PTPRN2: variants seen among roughly 807,000 people sequenced by gnomAD.
The protein encoded by PTPRN2 is receptor-type tyrosine-protein phosphatase N2.
PTPRN2 carries 74 observed loss-of-function variants against 118.8 expected under a neutral mutation model. The ratio of observed to expected loss-of-function variants is 0.62; its 90% CI spans 0.52 to 0.76. The LOEUF is 0.76. Ranked by LOEUF, PTPRN2 falls within the 30% of genes least tolerant of loss-of-function variation. PTPRN2 has a pLI of 0.00. For missense variants in PTPRN2, 1,481 were observed against 1,394.4 expected, an observed-to-expected ratio of 1.06 and a Z score of -0.99; for synonymous variants, 641 against 608.0, an observed-to-expected ratio of 1.05 and a Z score of -0.80.
intron 12 of PTPRN2, among the ~76,000 whole-genome samples, chr7:157,790,222 TATG>T (rs1804389801): frequency 7.6e-6 from 1 of 132,438 alleles, no homozygotes; most frequent in Non-Finnish European, 1.6e-5. Flanking sequence ...GACGTGTGTG[TATG>T]GTGGTGTGTG....
At chr7:157,665,526 C>G (rs1796095088) in intron 13 of PTPRN2, among the ~76,000 whole-genome samples, 1 of 152,240 alleles carries the variant, frequency 6.6e-6, no homozygotes, top group African/African-American at 2.4e-5. Context: ...GCCTGCCTGG[C>G]CCTGAAGGCA....
In PTPRN2 at chr7:157,845,568, G is replaced by A. The variant is rs530920387; in HGVS notation, c.1788+53105C>T. Among the ~76,000 whole-genome samples the A allele has an allele frequency of 3.3e-5, 5 of 152,314 alleles. No homozygotes were observed. Among genetic ancestry groups the A allele is most frequent in the South Asian group, 4.1e-4 (2 of 4,822 alleles). ...ATGCAGCCTAACTCACCACGTTCCC[G>A]GCCACACAGGGCCAAGAACAGCCCA... On this transcript the variant is annotated intron_variant, in intron 12 of 22. Coordinates refer to ENST00000389418, the MANE Select transcript of PTPRN2 (RefSeq NM_002847.5). The surrounding 1 kb of genome is among the most constrained non-coding windows in gnomAD (Gnocchi z 4.5).
chr7:158,470,280 CA>C (rs1307056306), intron 2 of PTPRN2, among the ~76,000 whole-genome samples: 1 of 152,224 alleles, frequency 6.6e-6, no homozygotes, highest in East Asian at 1.9e-4. Context: ...AGAGAGACAA[CA>C]ATACATTTTC....
chr7:158,229,587 T>C (rs1311268140), intron 3 of PTPRN2, among the ~76,000 whole-genome samples: 2 of 152,028 alleles, frequency 1.3e-5, no homozygotes, highest in African/African-American at 2.4e-5. Flanking sequence ...AGAAATACAT[T>C]TGCTGAACTG....
At chr7:158,441,132 G>T (rs534182153) in intron 2 of PTPRN2, among the ~76,000 whole-genome samples, 2 of 150,058 alleles carry the variant, frequency 1.3e-5, no homozygotes, top group East Asian at 3.9e-4. Flanking sequence ...AGTGGTGATG[G>T]CAGTGGTAGT....
At chr7:157,742,204 T>C (rs1800672978) in intron 12 of PTPRN2, among the ~76,000 whole-genome samples, 1 of 152,200 alleles carries the variant, frequency 6.6e-6, no homozygotes, top group Non-Finnish European at 1.5e-5. Flanking sequence ...ATCGAGGGCT[T>C]TTGCATATGT....
chr7:157,855,257 T>C (rs1232849610), intron 12 of PTPRN2, among the ~76,000 whole-genome samples: 1 of 152,100 alleles, frequency 6.6e-6, no homozygotes, highest in Non-Finnish European at 1.5e-5. Flanking sequence ...TTGCTGACTC[T>C]CGTGCTCTGC....
intron 2 of PTPRN2, among the ~76,000 whole-genome samples, chr7:158,334,106 C>CAT: frequency 1.2e-5 from 1 of 84,526 alleles, no homozygotes; most frequent in Admixed American, 1.4e-4. Context: ...GTGACACCTG[C>CAT]AGACGTCACT....
chr7:158,070,932 C>A (rs866363450), intron 11 of PTPRN2, among the ~76,000 whole-genome samples: 46 of 29,246 alleles, frequency 1.6e-3, no homozygotes, highest in African/African-American at 5.2e-3. Flanking sequence ...GGAGGTGCTC[C>A]TGGTGGTGGA....
chr7:157,855,100 G>A (rs1218863469), intron 12 of PTPRN2, among the ~76,000 whole-genome samples: 3 of 151,386 alleles, frequency 2.0e-5, no homozygotes, highest in Non-Finnish European at 3.0e-5. Flanking sequence ...GCAGGGATGT[G>A]TGTGGGGCCG....
At chr7:158,497,539 T>C (rs977121222) in intron 1 of PTPRN2, among the ~76,000 whole-genome samples, 9 of 152,012 alleles carry the variant, frequency 5.9e-5, no homozygotes, top group African/African-American at 1.7e-4. Context: ...CACAGCCAAA[T>C]TGGTAGCAGG....
intron 11 of PTPRN2, among the ~76,000 whole-genome samples, chr7:158,026,989 G>A (rs1264031518): frequency 2.0e-5 from 3 of 152,156 alleles, no homozygotes; most frequent in Non-Finnish European, 4.4e-5. Flanking sequence ...CGTGACACTC[G>A]ACCCTTTTGG....
chr7:158,493,864 T>C (rs1168528991), intron 1 of PTPRN2, among the ~76,000 whole-genome samples: 1 of 152,068 alleles, frequency 6.6e-6, no homozygotes, highest in Non-Finnish European at 1.5e-5. Context: ...CATGTGAGCA[T>C]ACACCTGCAG....
chr7:158,110,120 T>C (rs928917372), intron 10 of PTPRN2, among the ~76,000 whole-genome samples: 2 of 152,208 alleles, frequency 1.3e-5, no homozygotes, highest in African/African-American at 4.8e-5. Flanking sequence ...GGCCGGCCTC[T>C]TGTCTCACGT....
At chr7:157,669,938 T>A (rs1297738105) in intron 13 of PTPRN2, among the ~76,000 whole-genome samples, 5 of 152,090 alleles carry the variant, frequency 3.3e-5, no homozygotes, top group African/African-American at 1.2e-4. Flanking sequence ...AGAGCAGAAG[T>A]CCTTCTGTCT....
At chr7:157,747,187 G>C (rs4090445) in intron 12 of PTPRN2, among the ~76,000 whole-genome samples, 43,043 of 49,840 alleles carry the variant, frequency 0.86, 19,565 homozygotes, top group Non-Finnish European at 0.91. Context: ...TGTGGGGTGT[G>C]CGGGTGATTC....
rs1811539477 is a variant in PTPRN2, at chr7:158,071,369, G to GGTAGTGGAGGTGCTC, written c.1723+9928_1723+9929insGAGCACCTCCACTAC. 3.0e-4 allele frequency among the ~76,000 whole-genome samples: 23 copies of GGTAGTGGAGGTGCTC among 76,984 alleles called. 1 individual carries two copies. The highest frequency in any genetic ancestry group is 4.5e-4 in the Non-Finnish European group (18 of 40,066). The allele number at this position is 76,984 out of a possible 152,430, so 50.5% of individuals were successfully genotyped here. A position where few individuals can be genotyped will look rare whatever the true frequency, so the allele number is the denominator to read the frequency against. ...TGCTCGTGGTGGTGGAGGTGCTCAT[G>GGTAGTGGAGGTGCTC]GTGGTGGAGGTGCTCGTGGTGGAGG... On this transcript the variant is annotated intron_variant, in intron 11 of 22. Coordinates refer to ENST00000389418, the MANE Select transcript of PTPRN2 (RefSeq NM_002847.5).
chr7:157,667,642 T>A (rs748016220), intron 13 of PTPRN2, among the ~76,000 whole-genome samples: 1 of 152,152 alleles, frequency 6.6e-6, no homozygotes, highest in African/African-American at 2.4e-5. Context: ...CTAGAGTAAC[T>A]AGGCATTTTT....
At position 158,235,421 on chromosome 7, in the gene PTPRN2, G is replaced by C. The variant is rs538441455; in HGVS notation, c.278-30148C>G. Among the ~76,000 whole-genome samples, 5 of 152,180 alleles carry C rather than the reference G, an allele frequency of 3.3e-5. No homozygotes were observed. In the East Asian group the frequency reaches 9.6e-4, roughly 29 times the overall value. Reference sequence around the variant, plus strand: ...TGGAATAGTATTCTGCCATAAAAAAGGGTGCAAGCCTGTCATAGGCACCAA... The same window carrying C: ...TGGAATAGTATTCTGCCATAAAAAACGGTGCAAGCCTGTCATAGGCACCAA... On this transcript the variant is annotated intron_variant, in intron 3 of 22. Transcript: ENST00000389418.
Sources: allele counts gnomAD v4.1 joint callset (sites outside exome capture counted in the v4.1 genomes callset), GRCh38; gene constraint gnomAD v4.1.1; non-coding constraint Gnocchi (gnomAD v3.1); transcripts MANE v1.5; gene names NCBI Gene and HGNC (gene_info 2026-07-23, HGNC 2026-07-21).